NBPF14: variants seen among roughly 807,000 people sequenced by gnomAD.
NBPF14 encodes the protein NBPF member 14.
Under a neutral mutation model 91.2 loss-of-function variants are expected in NBPF14, and 104 were observed. The observed-to-expected ratio is 1.14, with a 90% CI of 0.97 to 1.34. The LOEUF (loss-of-function observed/expected upper bound fraction) is 1.34, where lower values mean the gene tolerates loss of function less well. Ranked by LOEUF, NBPF14 falls within the 40% of genes most tolerant of loss-of-function variation. The pLI is 0.00. For synonymous variants in NBPF14, 294 were observed against 303.8 expected, an observed-to-expected ratio of 0.97 and a Z score of 0.34; for missense variants, 908 against 783.0, an observed-to-expected ratio of 1.16 and a Z score of -1.91.
At chr1:148,588,339 CATT>C (rs1285364282) in intron 7 of NBPF14, among the ~76,000 whole-genome samples, 17 of 132,226 alleles carry the variant, frequency 1.3e-4, no homozygotes, top group South Asian at 2.8e-4. Context: ...TTTTATTTAT[CATT>C]ATTATTATTA....
At position 148,534,634 on chromosome 1, in the gene NBPF14, T is replaced by G. The variant is rs1319954624; in HGVS notation, c.8614+50A>C. ...CCACTTGGAATAGGAATATCACCCCTATCTGGAAGACCAGGTGGAGGCTTA... is the reference window on the plus strand; with the variant it reads ...CCACTTGGAATAGGAATATCACCCCGATCTGGAAGACCAGGTGGAGGCTTA... On this transcript the variant is annotated intron_variant, in intron 69 of 70. Coordinates refer to ENST00000619423, the Ensembl canonical transcript of NBPF14. The G allele has an allele frequency of 6.8e-6, 6 of 888,784 alleles. No individual in the cohort carries two copies. In the African/African-American group the frequency reaches 1.0e-4, roughly 15 times the overall value. 55.1% of individuals were successfully genotyped at this position (888,784 alleles called of 1,614,324 possible).
intron 40 of NBPF14, among the ~76,000 whole-genome samples, 154 bp downstream of exon 40, chr1:148,557,337 A>G (rs1656820207): frequency 9.1e-6 from 1 of 110,170 alleles, no homozygotes; most frequent in Non-Finnish European, 1.7e-5. Flanking sequence ...AAACCTAAAT[A>G]TCTACTGCAA....
intron 69 of NBPF14, 33 bp downstream of exon 69, chr1:148,534,651 G>A (rs1387437218): frequency 7.0e-6 from 6 of 857,180 alleles, no homozygotes; most frequent in Non-Finnish European, 1.2e-5. Flanking sequence ...AAGACCAGGT[G>A]GAGGCTTATC....
chr1:148,559,236 G>C (rs1267651800), intron 37 of NBPF14, among the ~76,000 whole-genome samples, 164 bp from the exon 38 acceptor site: 1 of 114,588 alleles, frequency 8.7e-6, no homozygotes, highest in Non-Finnish European at 1.6e-5. Flanking sequence ...TCACCATAGA[G>C]ATTCCTTGGT....
chr1:148,559,312 C>T (rs1342001437), intron 37 of NBPF14, among the ~76,000 whole-genome samples: 11 of 123,046 alleles, frequency 8.9e-5, no homozygotes, highest in Non-Finnish European at 1.6e-4. Context: ...TATCATTTGT[C>T]CCAAGTTTGT....
At chr1:148,560,227 A>G (rs1441586872) in intron 36 of NBPF14, among the ~76,000 whole-genome samples, 18 of 150,770 alleles carry the variant, frequency 1.2e-4, no homozygotes, top group African/African-American at 4.2e-4. Context: ...TGGCCAGGTG[A>G]CATACTGGTA....
At chr1:148,533,476 G>A (rs1338020478) in intron 70 of NBPF14, among the ~76,000 whole-genome samples, 2 of 151,778 alleles carry the variant, frequency 1.3e-5, no homozygotes, top group Non-Finnish European at 2.9e-5. Flanking sequence ...GAGACAGAGA[G>A]AAAGTGACCT....
At chr1:148,561,801 A>G (rs1657805307) in intron 34 of NBPF14, among the ~76,000 whole-genome samples, 2 of 95,708 alleles carry the variant, frequency 2.1e-5, no homozygotes, top group Non-Finnish European at 4.6e-5. Context: ...ACACACACAC[A>G]AACACACACA....
chr1:148,531,958 GACA>G (rs1653842339), exon 71 of NBPF14: 1 of 133,774 alleles, frequency 7.5e-6, no homozygotes, highest in Non-Finnish European at 1.6e-5. Flanking sequence ...GACATTTTCA[GACA>G]ACTTCAGAAT....
intron 40 of NBPF14, among the ~76,000 whole-genome samples, chr1:148,557,179 C>T (rs1656758548): frequency 1.0e-5 from 1 of 96,386 alleles, no homozygotes; most frequent in Non-Finnish European, 1.8e-5. Flanking sequence ...CCTCAGGACA[C>T]ACAGCATACA....
intron 70 of NBPF14, 78 bp downstream of exon 70, chr1:148,533,783 A>T (rs1654268428): frequency 1.4e-5 from 11 of 764,282 alleles, no homozygotes; most frequent in Non-Finnish European, 2.6e-5. Context: ...TATGACATCA[A>T]ACACACTCTG....
In NBPF14 at chr1:148,557,788, C is replaced by G. The variant is rs1288133863; in HGVS notation, c.4955-246G>C. Among the ~76,000 whole-genome samples, 11 of 116,132 alleles carry G rather than the reference C, an allele frequency of 9.5e-5. 4 individuals are homozygous for G. The highest frequency in any genetic ancestry group is 6.3e-4 in the South Asian group (2 of 3,176). The allele number at this position is 116,132 out of a possible 152,430, so 76.2% of individuals were successfully genotyped here. A position where few individuals can be genotyped will look rare whatever the true frequency, so the allele number is the denominator to read the frequency against. On this transcript the variant is annotated intron_variant, in intron 39 of 70. Coordinates refer to ENST00000619423, the Ensembl canonical transcript of NBPF14. Reference sequence around the variant, plus strand: ...CAAAATCATTTATCCCAAGTTTGTGCAAACAGTTATGCTTTATTGTTCCCA... The same window carrying G: ...CAAAATCATTTATCCCAAGTTTGTGGAAACAGTTATGCTTTATTGTTCCCA...
chr1:148,557,746 C>T (rs1455176779), intron 39 of NBPF14, among the ~76,000 whole-genome samples: 5 of 127,004 alleles, frequency 3.9e-5, no homozygotes, highest in East Asian at 2.4e-4. Context: ...TATCCCCATT[C>T]TGGTAGATCG....
intron 8 of NBPF14, 134 bp downstream of exon 8, chr1:148,587,167 T>G (rs1188770677): frequency 1.4e-6 from 1 of 719,576 alleles, no homozygotes; most frequent in African/African-American, 1.8e-5. Context: ...TAAATATTTG[T>G]GTGTAGCGAG....
In NBPF14 at chr1:148,589,974, C is replaced by T. The variant is rs1553796159; in HGVS notation, c.779-581G>A. 3.4e-3 allele frequency among the ~76,000 whole-genome samples: 480 copies of T among 140,108 alleles called. 39 individuals carry two copies. Among genetic ancestry groups the T allele is most frequent in the Non-Finnish European group, 4.1e-3 (258 of 62,292 alleles). 91.9% of individuals were successfully genotyped at this position (140,108 alleles called of 152,430 possible). ...TTCGAACTCCTGAGCTCAGGTGTTCCGCCCACCTCAGCCTCCCAAAGTGCT... is the reference window on the plus strand; with the variant it reads ...TTCGAACTCCTGAGCTCAGGTGTTCTGCCCACCTCAGCCTCCCAAAGTGCT... On this transcript the variant is annotated intron_variant, in intron 6 of 70. Transcript: ENST00000619423.
intron 68 of NBPF14, among the ~76,000 whole-genome samples, chr1:148,535,149 G>T (rs1240807617): frequency 6.7e-6 from 1 of 148,714 alleles, no homozygotes; most frequent in African/African-American, 2.6e-5. Context: ...GTGCCCTCGG[G>T]ACACACAGCG....
intron 28 of NBPF14, among the ~76,000 whole-genome samples, 200 bp from the exon 29 acceptor site, chr1:148,566,515 A>G (rs1658368263): frequency 7.9e-6 from 1 of 127,328 alleles, no homozygotes; most frequent in Non-Finnish European, 1.8e-5. Flanking sequence ...ACAGACACAC[A>G]CACACACACA....
At chr1:148,539,525 A>C (rs1655532628) in exon 63 of NBPF14, 1 of 285,396 alleles carries the variant, frequency 3.5e-6, no homozygotes. Flanking sequence ...AATAACATCT[A>C]TCCAGTGAGT....
chr1:148,559,812 G>A (rs1352641429), exon 37 of NBPF14: 24 of 1,531,490 alleles, frequency 1.6e-5, no homozygotes, highest in South Asian at 4.9e-5. Context: ...CAACAGCCAA[G>A]CCAACACGCT....
Sources: gnomAD v4.1 joint callset for allele counts (sites outside exome capture counted in the v4.1 genomes callset) on GRCh38, gnomAD v4.1.1 for gene constraint, MANE v1.5 for transcripts, NCBI Gene and HGNC (gene_info 2026-07-23, HGNC 2026-07-21) for gene names.